Variants in LIPG observed in about 807,000 individuals in gnomAD.
LIPG encodes the protein lipase G, endothelial type.
A neutral mutation model predicts 51.8 loss-of-function variants in LIPG; 34 were observed. The observed-to-expected ratio is 0.66, with a 90% CI of 0.50 to 0.87. The LOEUF is 0.87. Among genes scored for constraint, LIPG ranks in the 40% least tolerant of loss-of-function variants. The pLI, the probability that LIPG is intolerant of heterozygous loss-of-function variation, is 0.00. For missense variants in LIPG, 580 were observed against 652.7 expected (o/e 0.89, Z 1.21); for synonymous variants, 246 against 246.1 (o/e 1.00, Z 0.00).
At chr18:49,569,729 A>G (rs2084643922) in intron 4 of LIPG, among the ~76,000 whole-genome samples, 181 bp downstream of exon 4, 1 of 151,506 alleles carries the variant, frequency 6.6e-6, no homozygotes, top group African/African-American at 2.4e-5. Flanking sequence ...TCCAAATTGA[A>G]CTCGCATAGG....
chr18:49,571,109 C>T (rs1272394207), intron 4 of LIPG, among the ~76,000 whole-genome samples: 1 of 152,184 alleles, frequency 6.6e-6, no homozygotes, highest in African/African-American at 2.4e-5. Flanking sequence ...GGGGCTTGAG[C>T]TGCCCAAAGC....
intron 4 of LIPG, 80 bp downstream of exon 4, chr18:49,569,628 T>G: frequency 8.8e-7 from 1 of 1,130,938 alleles, no homozygotes; most frequent in Non-Finnish European, 1.3e-6. Flanking sequence ...GCAGAGTGAG[T>G]CATAGAAAGT....
intron 5 of LIPG, 24 bp downstream of exon 5, chr18:49,575,614 G>A (rs777524109): frequency 1.3e-6 from 2 of 1,596,688 alleles, no homozygotes; most frequent in Non-Finnish European, 1.7e-6. Context: ...TTTCTGCTTT[G>A]TGTTTGACTC....
chr18:49,585,350 A>C (rs1377309160), intron 8 of LIPG, among the ~76,000 whole-genome samples: 1 of 152,252 alleles, frequency 6.6e-6, no homozygotes, highest in African/African-American at 2.4e-5. Context: ...GGTGTGAGCC[A>C]CCATGCCCAG....
In LIPG at chr18:49,581,402, C is replaced by T. The variant is rs961923063; in HGVS notation, c.794-13C>T. The T allele has an allele frequency of 1.9e-6, 3 of 1,614,090 alleles. No homozygotes were observed. The highest frequency in any genetic ancestry group is 1.6e-4 in the Middle Eastern group (1 of 6,084). On this transcript the variant is annotated splice_polypyrimidine_tract_variant and intron_variant, in intron 5 of 9. Coordinates refer to ENST00000261292, the MANE Select transcript of LIPG (RefSeq NM_006033.4). ...GGCTCATCCTGCATGCTTTTTATCT[C>T]TCCCACCCCCAGCAATCACAGAGGT...
intron 7 of LIPG, 111 bp downstream of exon 7, chr18:49,582,593 C>T (rs930041209): frequency 1.3e-5 from 19 of 1,424,316 alleles, no homozygotes; most frequent in African/African-American, 1.3e-4. Context: ...GAGTGCAGTC[C>T]GACTGCTCAG....
chr18:49,561,881 C>G (rs947618803), upstream of LIPG: 1 of 1,272,598 alleles, frequency 7.9e-7, no homozygotes, highest in Non-Finnish European at 9.9e-7. Context: ...GAGCGTGCGG[C>G]GTCCACGCGG....
Position 49,590,720 on chromosome 18 carries a change from C to G in LIPG, c.*198C>G, listed in dbSNP as rs890330512. ...ACTGCGCTGCTATAGCTCTTGCTGC[C>G]TCTCTTGAATAGCTCTAACTCCAAA... On this transcript the variant is annotated 3_prime_UTR_variant, in exon 10 of 10. Coordinates refer to ENST00000261292, the MANE Select transcript of LIPG (RefSeq NM_006033.4). 4.6e-6 allele frequency: 3 copies of G among 650,614 alleles called. No individual in the cohort carries two copies. Among genetic ancestry groups the G allele is most frequent in the Admixed American group, 2.2e-5 (1 of 44,996 alleles). 40.3% of individuals were successfully genotyped at this position (650,614 alleles called of 1,614,324 possible). A position where few individuals can be genotyped will look rare whatever the true frequency, so the allele number is the denominator to read the frequency against.
At chr18:49,584,551 G>A (rs1211038202) in intron 8 of LIPG, among the ~76,000 whole-genome samples, 7 of 152,326 alleles carry the variant, frequency 4.6e-5, no homozygotes, top group Non-Finnish European at 1.0e-4. Context: ...TGGCATGGGA[G>A]GAGGCAGCTG....
intron 5 of LIPG, among the ~76,000 whole-genome samples, chr18:49,578,142 C>T (rs1425284197): frequency 6.2e-5 from 9 of 144,628 alleles, no homozygotes; most frequent in South Asian, 2.2e-4. Context: ...ACCTCCCTCC[C>T]GGACGGGGTG....
At chr18:49,577,788 C>CA (rs1291645524) in intron 5 of LIPG, among the ~76,000 whole-genome samples, 4 of 110,518 alleles carry the variant, frequency 3.6e-5, no homozygotes, top group African/African-American at 8.2e-5. Flanking sequence ...GCTGGCCAGG[C>CA]GGGGGGCTGA....
chr18:49,563,670 G>A (rs1394629561), intron 1 of LIPG, among the ~76,000 whole-genome samples: 1 of 151,814 alleles, frequency 6.6e-6, no homozygotes, highest in Non-Finnish European at 1.5e-5. Flanking sequence ...TGTGGTCAGG[G>A]AAGGCCTTTC....
chr18:49,569,608 A>G, intron 4 of LIPG, 60 bp downstream of exon 4: 2 of 1,317,054 alleles, frequency 1.5e-6, no homozygotes, highest in Non-Finnish European at 2.2e-6. Flanking sequence ...GAATGCTCCC[A>G]AATGAGGCAG....
At position 49,595,893 on chromosome 18, in the gene LIPG, A is replaced by G. The variant is rs2143993122; in HGVS notation, c.*5371A>G. ...CCACATATATGCGGAAATTTTATGT[A>G]TGATAAAAGGGGCCTATTAGTCTTT... On this transcript the variant is annotated 3_prime_UTR_variant, in exon 10 of 10. Transcript: ENST00000261292. 6.6e-6 allele frequency: 1 copy of G among 152,326 alleles called. No individual in the cohort carries two copies. The highest frequency in any genetic ancestry group is 2.1e-4 in the South Asian group (1 of 4,824). The allele number at this position is 152,326 out of a possible 1,614,324, so 9.4% of individuals were successfully genotyped here. A position where few individuals can be genotyped will look rare whatever the true frequency, so the allele number is the denominator to read the frequency against.
At position 49,562,365 on chromosome 18, in the gene LIPG, G is replaced by A. The variant is rs777826042; in HGVS notation, c.57G>A (p.Ala19=). 3 of 1,613,758 alleles carry A rather than the reference G, an allele frequency of 1.9e-6. No individual in the cohort carries two copies. In the African/African-American group the frequency reaches 4.0e-5, roughly 22 times the overall value. The change falls in exon 1 of 10, where the codon GCG becomes GCA. Residue 19 remains alanine (A), a synonymous_variant. Coordinates refer to ENST00000261292, the MANE Select transcript of LIPG (RefSeq NM_006033.4). ...CFWSLCYCFA[A]GSPVPFGPEG... is the part of the protein sequence containing the mutation. ...GGAGCCTCTGCTATTGCTTTGCTGCGGGGAGCCCCGTACCTTTTGGTCCAG... is the reference window on the plus strand; with the variant it reads ...GGAGCCTCTGCTATTGCTTTGCTGCAGGGAGCCCCGTACCTTTTGGTCCAG...
At chr18:49,568,495 C>T (rs929725102) in intron 3 of LIPG, among the ~76,000 whole-genome samples, 1 of 152,092 alleles carries the variant, frequency 6.6e-6, no homozygotes, top group African/African-American at 2.4e-5. Context: ...ATTCTCCTGC[C>T]TTAGACTCCC....
At chr18:49,580,083 G>T (rs558742747) in intron 5 of LIPG, among the ~76,000 whole-genome samples, 2 of 152,132 alleles carry the variant, frequency 1.3e-5, no homozygotes, top group African/African-American at 4.8e-5. Context: ...CAAAGTGCTG[G>T]GATTACAGGT....
At position 49,592,892 on chromosome 18, in the gene LIPG, A is replaced by C. The variant is rs1240525051; in HGVS notation, c.*2370A>C. 1 of 151,552 alleles carries C rather than the reference A, an allele frequency of 6.6e-6. No homozygotes were observed. Among genetic ancestry groups the C allele is most frequent in the Non-Finnish European group, 1.5e-5 (1 of 67,944 alleles). 9.4% of individuals were successfully genotyped at this position (151,552 alleles called of 1,614,324 possible). On this transcript the variant is annotated 3_prime_UTR_variant, in exon 10 of 10. Transcript: ENST00000261292. ...ATTTTTAAATAGTAAAATAATAAAA[A>C]ATTATAAAGTTCTTAATGGTCTGAC... is the stretch of plus-strand genomic sequence containing the variant.
In LIPG at chr18:49,581,376, G is replaced by C. The variant is rs769806503; in HGVS notation, c.794-39G>C. 3.7e-6 allele frequency: 6 copies of C among 1,613,758 alleles called. No homozygotes were observed. The East Asian group carries it at 1.3e-4, about 36-fold the overall frequency. ...TATTTGAGTGTCTAATCATCAAGAA[G>C]GGCTCATCCTGCATGCTTTTTATCT... On this transcript the variant is annotated intron_variant, in intron 5 of 9. Transcript: ENST00000261292.
Sources: gnomAD v4.1 joint callset for allele counts (sites outside exome capture counted in the v4.1 genomes callset) on GRCh38, gnomAD v4.1.1 for gene constraint, MANE v1.5 for transcripts, NCBI Gene and HGNC (gene_info 2026-07-23, HGNC 2026-07-21) for gene names.